The following MDFIC2 variants were observed in gnomAD, a reference collection of about 807,000 sequenced individuals.
The protein encoded by MDFIC2 is MyoD family inhibitor domain containing 2.
intron 2 of MDFIC2, among the ~76,000 whole-genome samples, chr3:70,214,568 A>G (rs1375484760): frequency 6.7e-6 from 1 of 149,654 alleles, no homozygotes; most frequent in Non-Finnish European, 1.5e-5. Flanking sequence ...CTTCCCCAAC[A>G]CCTGCAAAGC....
At chr3:70,216,763 G>T (rs1701415889) in intron 2 of MDFIC2, among the ~76,000 whole-genome samples, 1 of 152,076 alleles carries the variant, frequency 6.6e-6, no homozygotes, top group African/African-American at 2.4e-5. Context: ...CAAAAACAGT[G>T]CTTCCCAATC....
At chr3:70,199,558 A>C (rs1465743541) in intron 3 of MDFIC2, among the ~76,000 whole-genome samples, 3 of 152,166 alleles carry the variant, frequency 2.0e-5, no homozygotes, top group East Asian at 3.9e-4. Context: ...TAATGAATTG[A>C]AAACAGATTT....
chr3:70,266,749 A>G (rs904198712), intron 2 of MDFIC2, among the ~76,000 whole-genome samples: 5 of 152,152 alleles, frequency 3.3e-5, no homozygotes, highest in Non-Finnish European at 5.9e-5. Flanking sequence ...CCTGGCTTAT[A>G]CTTTTCTTTT....
intron 2 of MDFIC2, among the ~76,000 whole-genome samples, chr3:70,213,762 T>C (rs1205979852): frequency 1.3e-5 from 2 of 152,096 alleles, no homozygotes; most frequent in Non-Finnish European, 2.9e-5. Context: ...ATACAATATA[T>C]AAAATACAGG....
chr3:70,206,170 C>A (rs759385128), intron 3 of MDFIC2, among the ~76,000 whole-genome samples: 1 of 151,928 alleles, frequency 6.6e-6, no homozygotes, highest in African/African-American at 2.4e-5. Context: ...TTTATGCTGT[C>A]TATATTTATA....
chr3:70,216,478 A>C (rs1210188838), intron 2 of MDFIC2, among the ~76,000 whole-genome samples: 1 of 152,000 alleles, frequency 6.6e-6, no homozygotes, highest in East Asian at 1.9e-4. Context: ...AAACGCGGGG[A>C]TATCAAATAA....
chr3:70,294,527 A>T (rs1297217752), intron 2 of MDFIC2, among the ~76,000 whole-genome samples: 1 of 152,182 alleles, frequency 6.6e-6, no homozygotes, highest in Non-Finnish European at 1.5e-5. Context: ...AAAGTAAAAT[A>T]ATAATAGTAG....
intron 2 of MDFIC2, among the ~76,000 whole-genome samples, chr3:70,285,474 TG>T (rs1231793256): frequency 6.6e-6 from 1 of 152,082 alleles, no homozygotes; most frequent in Non-Finnish European, 1.5e-5. Flanking sequence ...ACATTTGGGT[TG>T]GTTCCAAGTC....
intron 2 of MDFIC2, among the ~76,000 whole-genome samples, chr3:70,207,033 CT>C (rs11317960): frequency 0.19 from 27,089 of 139,490 alleles, 2,643 homozygotes; most frequent in East Asian, 0.53. Context: ...CTTATTTCTA[CT>C]TTTTTTTTTT....
chr3:70,207,002 C>A (rs1205788713), intron 2 of MDFIC2, among the ~76,000 whole-genome samples: 1 of 149,800 alleles, frequency 6.7e-6, no homozygotes, highest in East Asian at 2.0e-4. Context: ...CAAACTTTAC[C>A]TATCATGGTA....
At chr3:70,248,204 G>A (rs1450305935) in intron 2 of MDFIC2, among the ~76,000 whole-genome samples, 1 of 152,032 alleles carries the variant, frequency 6.6e-6, no homozygotes. Flanking sequence ...TAATTGCAAA[G>A]CATTGTAGTT....
chr3:70,272,244 T>G (rs1232652249), intron 2 of MDFIC2: 1 of 152,198 alleles, frequency 6.6e-6, no homozygotes, highest in African/African-American at 2.4e-5. Flanking sequence ...GAAAAATATT[T>G]CTATCTCCCC....
chr3:70,298,341 C>T (rs1298152967), intron 2 of MDFIC2, among the ~76,000 whole-genome samples: 1 of 152,028 alleles, frequency 6.6e-6, no homozygotes, highest in African/African-American at 2.4e-5. Flanking sequence ...AATAAGATTT[C>T]CACTTCTCTC....
At chr3:70,262,958 G>GTA (rs1177197802) in intron 2 of MDFIC2, among the ~76,000 whole-genome samples, 2 of 152,008 alleles carry the variant, frequency 1.3e-5, no homozygotes, top group African/African-American at 4.8e-5. Context: ...CTTCCTATCT[G>GTA]TATTGTCTAA....
chr3:70,283,396 G>T (rs1702108202), intron 2 of MDFIC2, among the ~76,000 whole-genome samples: 1 of 152,082 alleles, frequency 6.6e-6, no homozygotes, highest in African/African-American at 2.4e-5. Context: ...TTATTGTTCA[G>T]GCTGACGAAT....
chr3:70,266,252 C>T (rs2106666336), intron 2 of MDFIC2, among the ~76,000 whole-genome samples: 1 of 152,008 alleles, frequency 6.6e-6, no homozygotes, highest in Admixed American at 6.5e-5. Flanking sequence ...TTGATGTGAC[C>T]TATTATGACT....
intron 2 of MDFIC2, among the ~76,000 whole-genome samples, chr3:70,217,751 T>C (rs1020448243): frequency 6.6e-6 from 1 of 152,140 alleles, no homozygotes; most frequent in Non-Finnish European, 1.5e-5. Context: ...TATAAATCAG[T>C]AAATTAGTGT....
At chr3:70,261,868 G>T (rs1313219375) in intron 2 of MDFIC2, among the ~76,000 whole-genome samples, 1 of 152,104 alleles carries the variant, frequency 6.6e-6, no homozygotes, top group Non-Finnish European at 1.5e-5. Flanking sequence ...GAAACAAGGG[G>T]TTTGTTATCC....
intron 2 of MDFIC2, among the ~76,000 whole-genome samples, chr3:70,268,259 G>A (rs1701940500): frequency 6.6e-6 from 1 of 151,978 alleles, no homozygotes; most frequent in Non-Finnish European, 1.5e-5. Flanking sequence ...TTGCCTGAGC[G>A]CAGAAGTTCG....
Sources: gnomAD v4.1 joint callset for allele counts (sites outside exome capture counted in the v4.1 genomes callset) on GRCh38, gnomAD v4.1.1 for gene constraint, MANE v1.5 for transcripts, NCBI Gene and HGNC (gene_info 2026-07-23, HGNC 2026-07-21) for gene names.